Variants in RORA observed in about 807,000 individuals in gnomAD.
RORA encodes the protein RAR related orphan receptor A.
RORA carries 7 observed loss-of-function variants against 69.5 expected under a neutral mutation model. The ratio of observed to expected loss-of-function variants is 0.10; its 90% confidence interval spans 0.06 to 0.19. The LOEUF (loss-of-function observed/expected upper bound fraction) is 0.19, where lower values mean the gene tolerates loss of function less well. RORA is among the 10% of genes least tolerant of loss of function. RORA has a pLI of 1.00. For missense variants in RORA, 457 were observed against 663.0 expected (o/e 0.69, Z 3.41); for synonymous variants, 261 against 240.8 (o/e 1.08, Z -0.78).
intron 1 of RORA, among the ~76,000 whole-genome samples, chr15:60,769,029 C>T (rs2072031257): frequency 6.6e-6 from 1 of 152,142 alleles, no homozygotes; most frequent in African/African-American, 2.4e-5. Flanking sequence ...ACATCCTAAT[C>T]AGGCAACTAA....
intron 3 of RORA, among the ~76,000 whole-genome samples, chr15:60,523,987 A>AC (rs1169120836): frequency 2.0e-5 from 3 of 152,124 alleles, no homozygotes; most frequent in Non-Finnish European, 2.9e-5. Flanking sequence ...GAAGAGAATG[A>AC]CCCACAGCCT....
chr15:60,900,297 A>C (rs551520859), intron 1 of RORA, among the ~76,000 whole-genome samples: 1 of 145,116 alleles, frequency 6.9e-6, no homozygotes, highest in East Asian at 1.9e-4. Context: ...ACGCACACAA[A>C]ATGATCAGCA....
rs1211487932 is a variant in RORA, at chr15:60,725,063, T to C, written c.167-46377A>G. ...TTTTATCAAAGCAGAAAGCACATTT[T>C]ACAAGGAAAAAGGTCTTTCTGATTA... is the stretch of plus-strand genomic sequence containing the variant. On this transcript the variant is annotated intron_variant, in intron 1 of 10. Transcript: ENST00000335670. 2.0e-5 allele frequency among the ~76,000 whole-genome samples: 3 copies of C among 152,328 alleles called. No individual in the cohort carries two copies. The East Asian group carries it at 5.8e-4, about 29-fold the overall frequency.
intron 1 of RORA, among the ~76,000 whole-genome samples, chr15:60,965,677 A>G (rs1893535761): frequency 6.6e-6 from 1 of 152,210 alleles, no homozygotes; most frequent in African/African-American, 2.4e-5. Context: ...TGATGAAGCT[A>G]TTAAGATGCA....
At chr15:60,767,485 A>C (rs1056268811) in intron 1 of RORA, among the ~76,000 whole-genome samples, 1 of 152,194 alleles carries the variant, frequency 6.6e-6, no homozygotes, top group African/African-American at 2.4e-5. Flanking sequence ...CACACAGCTG[A>C]CGATAGAGGA....
chr15:60,653,956 TC>T (rs2070184520), intron 2 of RORA, among the ~76,000 whole-genome samples: 1 of 152,156 alleles, frequency 6.6e-6, no homozygotes, highest in African/African-American at 2.4e-5. Context: ...TCAATTAAAA[TC>T]TCAACAGGAG....
chr15:61,127,638 A>C (rs981347540), intron 1 of RORA, among the ~76,000 whole-genome samples: 1 of 152,214 alleles, frequency 6.6e-6, no homozygotes, highest in African/African-American at 2.4e-5. Context: ...GTTTCCTTTC[A>C]GTTGCCTTCT....
At chr15:60,886,248 G>C (rs2140452820) in intron 1 of RORA, among the ~76,000 whole-genome samples, 1 of 152,176 alleles carries the variant, frequency 6.6e-6, no homozygotes, top group South Asian at 2.1e-4. Flanking sequence ...GATCAAAAAG[G>C]AGTTCTAAGA....
At chr15:60,980,052 T>C (rs977455229) in intron 1 of RORA, among the ~76,000 whole-genome samples, 30 of 152,326 alleles carry the variant, frequency 2.0e-4, no homozygotes, top group African/African-American at 7.2e-4. Context: ...GGAAGTTCCC[T>C]TCTATTTCTA....
At chr15:60,746,493 G>A (rs1384957046) in intron 1 of RORA, among the ~76,000 whole-genome samples, 4 of 151,990 alleles carry the variant, frequency 2.6e-5, no homozygotes, top group Non-Finnish European at 4.4e-5. Context: ...TATAAGGATG[G>A]TTAAAAATTG....
intron 1 of RORA, among the ~76,000 whole-genome samples, chr15:60,705,850 T>A (rs975558923): frequency 3.3e-5 from 5 of 152,204 alleles, no homozygotes; most frequent in Admixed American, 6.5e-5. Flanking sequence ...GTATCATCTC[T>A]CTTAGAAATA....
chr15:60,655,284 G>C (rs1239887397), intron 2 of RORA, among the ~76,000 whole-genome samples: 1 of 152,016 alleles, frequency 6.6e-6, no homozygotes, highest in Non-Finnish European at 1.5e-5. Context: ...ATTCCTTTAA[G>C]GCTCAGAAGG....
intron 2 of RORA, among the ~76,000 whole-genome samples, chr15:60,573,729 A>C (rs955494520): frequency 6.6e-6 from 1 of 152,210 alleles, no homozygotes; most frequent in South Asian, 2.1e-4. Context: ...TTTGCTTCAA[A>C]GCTCAGCTAA....
chr15:61,066,344 T>G (rs944989045), intron 1 of RORA, among the ~76,000 whole-genome samples: 2 of 152,014 alleles, frequency 1.3e-5, no homozygotes, highest in African/African-American at 4.8e-5. Context: ...TCTGGGAAAC[T>G]TTTTTTAGGA....
chr15:60,865,576 C>T (rs1202681893), intron 1 of RORA, among the ~76,000 whole-genome samples: 1 of 152,202 alleles, frequency 6.6e-6, no homozygotes, highest in African/African-American at 2.4e-5. Context: ...TGAGCGTCCT[C>T]TGTAGACACA....
At chr15:60,543,170 CTTTTTTTTTTTTTTTTTTT>C (rs200401959) in intron 2 of RORA, among the ~76,000 whole-genome samples, 11 of 125,426 alleles carry the variant, frequency 8.8e-5, no homozygotes, top group African/African-American at 3.2e-4. Flanking sequence ...AAAGTGAAAA[CTTTTTTTTTTTTTTTTTTT>C]TTTTTTTTTT....
intron 1 of RORA, among the ~76,000 whole-genome samples, chr15:60,883,171 AG>A (rs1336289129): frequency 0.018 from 2,397 of 133,298 alleles, 121 homozygotes; most frequent in South Asian, 0.032. Context: ...AGAGAGAGAG[AG>A]AGAGAGAGAG....
intron 1 of RORA, among the ~76,000 whole-genome samples, chr15:61,164,753 C>G (rs1351461852): frequency 6.6e-6 from 1 of 152,088 alleles, no homozygotes; most frequent in Non-Finnish European, 1.5e-5. Context: ...TAGAAGGCTA[C>G]TGTTAAGGGC....
At chr15:60,698,488 T>A (rs1161052921) in intron 1 of RORA, among the ~76,000 whole-genome samples, 1 of 152,216 alleles carries the variant, frequency 6.6e-6, no homozygotes, top group Admixed American at 6.5e-5. Flanking sequence ...AAATTTTAAA[T>A]GTTTTAATGG....
Sources: allele counts gnomAD v4.1 joint callset (sites outside exome capture counted in the v4.1 genomes callset), GRCh38; gene constraint gnomAD v4.1.1; transcripts MANE v1.5; gene names NCBI Gene and HGNC (gene_info 2026-07-23, HGNC 2026-07-21).